Variants in ASAP1 observed in about 807,000 individuals in gnomAD.
ASAP1 encodes the protein ArfGAP with SH3 domain, ankyrin repeat and PH domain 1, also known as arf-GAP with SH3 domain, ANK repeat and PH domain-containing protein 1.
In ASAP1, 43 loss-of-function variants were observed where a neutral mutation model predicts 145.2. The observed-to-expected ratio is 0.30, with a 90% CI of 0.23 to 0.38. ASAP1 has a LOEUF of 0.38. Ranked by LOEUF, ASAP1 falls within the 10% of genes least tolerant of loss-of-function variation. ASAP1 has a pLI of 1.00. For synonymous variants in ASAP1, 546 were observed against 515.5 expected (o/e 1.06, Z -0.80); for missense variants, 1,018 against 1,355.3 (o/e 0.75, Z 3.91).
At chr8:130,153,751 A>G (rs563236878) in intron 12 of ASAP1, among the ~76,000 whole-genome samples, 2 of 152,196 alleles carry the variant, frequency 1.3e-5, no homozygotes, top group South Asian at 2.1e-4. Context: ...AATGACAGGT[A>G]CTACAATGAT....
intron 2 of ASAP1, among the ~76,000 whole-genome samples, chr8:130,371,974 A>G (rs1438875833): frequency 3.9e-5 from 6 of 152,246 alleles, no homozygotes; most frequent in African/African-American, 1.4e-4. Flanking sequence ...AATGAGAAGC[A>G]TTCTACCAGA....
At chr8:130,310,146 G>GT (rs1279722464) in intron 3 of ASAP1, among the ~76,000 whole-genome samples, 1 of 144,662 alleles carries the variant, frequency 6.9e-6, no homozygotes, top group African/African-American at 2.5e-5. Context: ...TTTGGGGGGG[G>GT]GAGGGGGGTG....
At chr8:130,392,773 G>A (rs1213465057) in intron 2 of ASAP1, among the ~76,000 whole-genome samples, 1 of 152,102 alleles carries the variant, frequency 6.6e-6, no homozygotes, top group Non-Finnish European at 1.5e-5. Context: ...GCCAGCATGT[G>A]CAGAGATCAG....
At chr8:130,138,369 G>A (rs1038785137) in intron 13 of ASAP1, among the ~76,000 whole-genome samples, 1 of 152,148 alleles carries the variant, frequency 6.6e-6, no homozygotes, top group African/African-American at 2.4e-5. Flanking sequence ...AGAGACCCCA[G>A]GGGATTCCAT....
chr8:130,112,051 G>T, intron 24 of ASAP1, 43 bp downstream of exon 24: 2 of 1,549,234 alleles, frequency 1.3e-6, no homozygotes, highest in Non-Finnish European at 1.8e-6. Flanking sequence ...GGAGTCACAA[G>T]CCCTTCGAGG....
chr8:130,272,768 T>G (rs188308668), intron 3 of ASAP1, among the ~76,000 whole-genome samples: 111 of 152,322 alleles, frequency 7.3e-4, no homozygotes, highest in Non-Finnish European at 1.3e-3. Flanking sequence ...CAATATCTTA[T>G]GTTCTCACTC....
intron 1 of ASAP1, among the ~76,000 whole-genome samples, chr8:130,429,627 C>G (rs1157993054): frequency 6.6e-6 from 1 of 152,180 alleles, no homozygotes; most frequent in African/African-American, 2.4e-5. Context: ...GACTCTGTTT[C>G]AGGTCCCATG....
chr8:130,398,529 A>G (rs1228336382), intron 2 of ASAP1, among the ~76,000 whole-genome samples: 1 of 152,166 alleles, frequency 6.6e-6, no homozygotes, highest in Non-Finnish European at 1.5e-5. Flanking sequence ...TAAGAGTAAA[A>G]GTATTAATAG....
chr8:130,269,917 C>T (rs537541995), intron 3 of ASAP1, among the ~76,000 whole-genome samples: 1 of 152,332 alleles, frequency 6.6e-6, no homozygotes, highest in East Asian at 1.9e-4. Context: ...CACCTATTAT[C>T]CCCGCACTTT....
In ASAP1 at chr8:130,131,213, C is replaced by G. The variant is rs552391717; in HGVS notation, c.1217+3083G>C. Among the ~76,000 whole-genome samples the G allele has an allele frequency of 9.2e-5, 14 of 152,124 alleles. No individual in the cohort carries two copies. In the South Asian group the frequency reaches 2.5e-3, roughly 27 times the overall value. On this transcript the variant is annotated intron_variant, in intron 15 of 29. Coordinates refer to ENST00000518721, the MANE Select transcript of ASAP1 (RefSeq NM_018482.4). Reference sequence around the variant, plus strand: ...ACAAAAAAGCCACTAGCCAGCAGAGCCTGGACAAGAAGCCAAATGAGTCTA... The same window carrying G: ...ACAAAAAAGCCACTAGCCAGCAGAGGCTGGACAAGAAGCCAAATGAGTCTA...
intron 18 of ASAP1, among the ~76,000 whole-genome samples, chr8:130,123,449 T>A (rs2097569767): frequency 6.6e-6 from 1 of 152,290 alleles, no homozygotes; most frequent in Admixed American, 6.5e-5. Flanking sequence ...CCCATGACAA[T>A]CTGTGCTTCA....
intron 1 of ASAP1, among the ~76,000 whole-genome samples, chr8:130,437,631 T>C (rs1390932916): frequency 6.6e-6 from 1 of 152,210 alleles, no homozygotes; most frequent in African/African-American, 2.4e-5. Flanking sequence ...CTAACTACAA[T>C]GAAATAGGCA....
At chr8:130,288,912 C>G (rs976421889) in intron 3 of ASAP1, among the ~76,000 whole-genome samples, 1 of 152,238 alleles carries the variant, frequency 6.6e-6, no homozygotes, top group Non-Finnish European at 1.5e-5. Context: ...CAAGGCTGGG[C>G]GCGGTGGCTC....
chr8:130,350,203 C>T (rs1316107210), intron 3 of ASAP1, among the ~76,000 whole-genome samples: 3 of 152,252 alleles, frequency 2.0e-5, no homozygotes, highest in African/African-American at 7.2e-5. Context: ...TTACTCTCCA[C>T]TCTTTCCACC....
chr8:130,315,557 G>A (rs1033270347), intron 3 of ASAP1, among the ~76,000 whole-genome samples: 9 of 152,186 alleles, frequency 5.9e-5, no homozygotes, highest in African/African-American at 1.9e-4. Flanking sequence ...AAGGAGAAGA[G>A]GCGAGTCTGA....
intron 11 of ASAP1, among the ~76,000 whole-genome samples, chr8:130,166,864 G>C (rs1268795290): frequency 1.3e-5 from 2 of 152,210 alleles, no homozygotes; most frequent in Non-Finnish European, 2.9e-5. Flanking sequence ...GTAGGATTCT[G>C]CATCAAAATA....
chr8:130,296,993 G>A (rs1014413263), intron 3 of ASAP1, among the ~76,000 whole-genome samples: 1 of 152,206 alleles, frequency 6.6e-6, no homozygotes, highest in South Asian at 2.1e-4. Flanking sequence ...GAAGGGCAGA[G>A]ACAAAGAATC....
At chr8:130,320,146 C>G (rs1009694587) in intron 3 of ASAP1, among the ~76,000 whole-genome samples, 9 of 152,144 alleles carry the variant, frequency 5.9e-5, no homozygotes, top group African/African-American at 2.2e-4. Flanking sequence ...CTTTCATAAT[C>G]AGAAAAGTCA....
At chr8:130,373,619 A>T (rs1827332676) in intron 2 of ASAP1, among the ~76,000 whole-genome samples, 1 of 151,948 alleles carries the variant, frequency 6.6e-6, no homozygotes, top group Non-Finnish European at 1.5e-5. Flanking sequence ...GAGGCCAAGG[A>T]GGGTGGATCA....
Sources: allele counts gnomAD v4.1 joint callset (sites outside exome capture counted in the v4.1 genomes callset), GRCh38; gene constraint gnomAD v4.1.1; transcripts MANE v1.5; gene names NCBI Gene and HGNC (gene_info 2026-07-23, HGNC 2026-07-21).